The following AOPEP variants were observed in gnomAD, a reference collection of about 807,000 sequenced individuals.
The protein encoded by AOPEP is aminopeptidase O.
AOPEP carries 77 observed loss-of-function variants against 98.1 expected under a neutral mutation model. The observed-to-expected ratio is 0.78, with a 90% CI of 0.65 to 0.95. The LOEUF (loss-of-function observed/expected upper bound fraction) is 0.95, where lower values mean the gene tolerates loss of function less well. Ranked by LOEUF, AOPEP falls within the 40% of genes least tolerant of loss-of-function variation. AOPEP has a pLI of 0.00. For missense variants in AOPEP, 1,024 were observed against 1,024.7 expected (o/e 1.00, Z 0.01); for synonymous variants, 346 against 365.3 (o/e 0.95, Z 0.60).
At chr9:95,097,005 G>C in the AOPEP span, among the ~76,000 whole-genome samples, 174 of 152,322 alleles carry the variant, frequency 1.1e-3, no homozygotes, top group Non-Finnish European at 2.1e-3. Context: ...TGTCACCACT[G>C]GTGGAAGGGG....
intron 5 of AOPEP, among the ~76,000 whole-genome samples, chr9:94,863,109 A>G (rs1026778513): frequency 2.6e-5 from 4 of 152,152 alleles, no homozygotes; most frequent in Non-Finnish European, 5.9e-5. Flanking sequence ...CTTTCCCCAT[A>G]TGAAACAAGG....
At chr9:94,848,451 CAAAAAAAAA>C (rs35685082) in intron 5 of AOPEP, among the ~76,000 whole-genome samples, 4 of 75,804 alleles carry the variant, frequency 5.3e-5, no homozygotes, top group Non-Finnish European at 6.9e-5. Flanking sequence ...GACTCCGTCT[CAAAAAAAAA>C]AAAAAAAAAA....
At chr9:94,888,379 C>T (rs1361653133) in intron 5 of AOPEP, among the ~76,000 whole-genome samples, 2 of 150,214 alleles carry the variant, frequency 1.3e-5, no homozygotes, top group African/African-American at 4.9e-5. Flanking sequence ...GTTGCAAAGA[C>T]CTGTACAAGG....
chr9:94,941,036 A>C (rs1272386682), intron 7 of AOPEP, among the ~76,000 whole-genome samples: 1 of 152,268 alleles, frequency 6.6e-6, no homozygotes, highest in Non-Finnish European at 1.5e-5. Context: ...TGTAGAGCAC[A>C]GGCATAAAAG....
intron 5 of AOPEP, among the ~76,000 whole-genome samples, chr9:94,859,178 G>A (rs576765563): frequency 1.2e-4 from 19 of 152,304 alleles, no homozygotes; most frequent in Admixed American, 1.1e-3. Flanking sequence ...AGGATGCAAT[G>A]AGAAGGCAGT....
the AOPEP span, among the ~76,000 whole-genome samples, chr9:95,120,875 T>C: frequency 1.3e-5 from 2 of 152,224 alleles, no homozygotes. Context: ...TCCCCTCAAT[T>C]TTTTTGTTCC....
chr9:94,777,625 C>CTTTT lies in AOPEP; in HGVS notation c.964+4480_964+4483dup, dbSNP rs34067261. ...AGGCTTGTACCTAGAATTATATAAT[C>CTTTT]TTTTTTTTTTTTTTTTTTTTTTTTT... On this transcript the variant is annotated intron_variant, in intron 3 of 16. Coordinates refer to ENST00000375315, the MANE Select transcript of AOPEP (RefSeq NM_001193329.3). Among the ~76,000 whole-genome samples, 226 of 94,180 alleles carry CTTTT rather than the reference C, an allele frequency of 2.4e-3. 29 individuals are homozygous for CTTTT. Among genetic ancestry groups the CTTTT allele is most frequent in the African/African-American group, 9.6e-3 (207 of 21,560 alleles). The allele number at this position is 94,180 out of a possible 152,430, so 61.8% of individuals were successfully genotyped here.
chr9:94,728,711 T>C (rs1294459220), intron 1 of AOPEP, among the ~76,000 whole-genome samples: 1 of 152,066 alleles, frequency 6.6e-6, no homozygotes, highest in African/African-American at 2.4e-5. Flanking sequence ...TGAAGCAAGG[T>C]CCCAGAGGCC....
At chr9:95,075,931 G>T (rs2069010262) in intron 14 of AOPEP, among the ~76,000 whole-genome samples, 1 of 152,214 alleles carries the variant, frequency 6.6e-6, no homozygotes, top group Non-Finnish European at 1.5e-5. Context: ...TGCCTAAGCT[G>T]CCCCGATGGG....
At chr9:94,904,682 A>G (rs2050890464) in intron 5 of AOPEP, 4 of 152,220 alleles carry the variant, frequency 2.6e-5, no homozygotes, top group Non-Finnish European at 5.9e-5. Flanking sequence ...TTTCTTATCC[A>G]TCTGAAAGCC....
intron 14 of AOPEP, among the ~76,000 whole-genome samples, chr9:95,062,701 T>A (rs1043254599): frequency 3.9e-5 from 6 of 152,238 alleles, no homozygotes; most frequent in African/African-American, 1.4e-4. Flanking sequence ...TCTGTTGGTC[T>A]GATTTTCTGA....
At chr9:94,981,561 C>T (rs111846499) in intron 11 of AOPEP, among the ~76,000 whole-genome samples, 1,825 of 152,218 alleles carry the variant, frequency 0.012, 44 homozygotes, top group African/African-American at 0.041. Flanking sequence ...ATGATTTCTG[C>T]GGCTGCTGCT....
In AOPEP at chr9:94,844,882, G is replaced by C. The variant is rs560011452; in HGVS notation, c.1364+43880G>C. Reference sequence around the variant, plus strand: ...GATGGTATGGTACCTGTGAGGCCAGGGTACAAGTTACCTGAGTGAGTGCTT... The same window carrying C: ...GATGGTATGGTACCTGTGAGGCCAGCGTACAAGTTACCTGAGTGAGTGCTT... On this transcript the variant is annotated intron_variant, in intron 5 of 16. Transcript: ENST00000375315. Among the ~76,000 whole-genome samples, 3 of 152,104 alleles carry C rather than the reference G, an allele frequency of 2.0e-5. No homozygotes were observed. The South Asian group carries it at 6.2e-4, about 32-fold the overall frequency.
chr9:94,754,966 G>A (rs2132320066), intron 1 of AOPEP, among the ~76,000 whole-genome samples: 1 of 152,296 alleles, frequency 6.6e-6, no homozygotes, highest in South Asian at 2.1e-4. Context: ...TGTTTAGTAT[G>A]TGATCCTCTT....
intron 13 of AOPEP, chr9:95,021,875 G>A (rs556763245): frequency 1.4e-4 from 21 of 152,346 alleles, no homozygotes; most frequent in African/African-American, 4.6e-4. Context: ...TGTAAAGGTG[G>A]AGCAAGTAAA....
the AOPEP span, among the ~76,000 whole-genome samples, chr9:95,140,491 CAAAA>C: frequency 5.3e-5 from 8 of 152,038 alleles, no homozygotes; most frequent in African/African-American, 1.9e-4. Context: ...CAAAACAAAA[CAAAA>C]CAAAACCAGA....
At chr9:94,868,166 C>T (rs1388282116) in intron 5 of AOPEP, among the ~76,000 whole-genome samples, 3 of 152,194 alleles carry the variant, frequency 2.0e-5, no homozygotes, top group Non-Finnish European at 4.4e-5. Flanking sequence ...GCTGCTTTAG[C>T]ACGAATGGTC....
At chr9:94,889,514 G>C (rs1211476135) in intron 5 of AOPEP, among the ~76,000 whole-genome samples, 1 of 152,114 alleles carries the variant, frequency 6.6e-6, no homozygotes, top group Non-Finnish European at 1.5e-5. Flanking sequence ...TGGAGATGGA[G>C]TCTTGCTCTA....
chr9:94,751,300 A>G (rs982788385), intron 1 of AOPEP, among the ~76,000 whole-genome samples: 12 of 152,314 alleles, frequency 7.9e-5, no homozygotes, highest in African/African-American at 2.9e-4. Flanking sequence ...TTAGTCTGCC[A>G]GAAGGTACTC....
Sources: allele counts gnomAD v4.1 joint callset (sites outside exome capture counted in the v4.1 genomes callset), GRCh38; gene constraint gnomAD v4.1.1; transcripts MANE v1.5; gene names NCBI Gene and HGNC (gene_info 2026-07-23, HGNC 2026-07-21).